Variants in RRAS2 observed in about 807,000 individuals in gnomAD.
RRAS2 encodes the protein RAS related 2, also known as ras-related protein R-Ras2.
Under a neutral mutation model 27.6 loss-of-function variants are expected in RRAS2, and 7 were observed. That is an observed-to-expected ratio of 0.25 (90% CI 0.14 to 0.48). The LOEUF (loss-of-function observed/expected upper bound fraction) is 0.48, where lower values mean the gene tolerates loss of function less well. Ranked by LOEUF, RRAS2 falls within the 20% of genes least tolerant of loss-of-function variation. The pLI is 0.99. For missense variants in RRAS2, 178 were observed against 256.2 expected (o/e 0.69, Z 2.08); for synonymous variants, 86 against 90.9 (o/e 0.95, Z 0.31).
At chr11:14,287,362 A>AATAT (rs528910333) in intron 4 of RRAS2, among the ~76,000 whole-genome samples, 30 of 151,828 alleles carry the variant, frequency 2.0e-4, no homozygotes, top group Admixed American at 1.2e-3. Flanking sequence ...CTTAAGTTAA[A>AATAT]ATATATATAT....
At chr11:14,356,299 G>A (rs1161548097) in intron 1 of RRAS2, among the ~76,000 whole-genome samples, 1 of 152,040 alleles carries the variant, frequency 6.6e-6, no homozygotes, top group East Asian at 1.9e-4. Context: ...ACTAGCATAT[G>A]ACTCCCACAT....
chr11:14,345,916 T>C (rs532536238), intron 1 of RRAS2, among the ~76,000 whole-genome samples: 2 of 152,270 alleles, frequency 1.3e-5, no homozygotes, highest in South Asian at 2.1e-4. Context: ...AAACCAAAAA[T>C]AGCTATGAGC....
At chr11:14,317,882 G>A (rs562759012) in intron 1 of RRAS2, among the ~76,000 whole-genome samples, 2 of 152,162 alleles carry the variant, frequency 1.3e-5, no homozygotes, top group Non-Finnish European at 2.9e-5. Flanking sequence ...GGTGAGCTAC[G>A]ATTGCACCAC....
At chr11:14,354,835 C>A (rs782748688) in intron 1 of RRAS2, among the ~76,000 whole-genome samples, 4 of 151,992 alleles carry the variant, frequency 2.6e-5, no homozygotes, top group Non-Finnish European at 5.9e-5. Context: ...CACCAACACG[C>A]CCGGCTAATT....
At position 14,281,716 on chromosome 11, in the gene RRAS2, G is replaced by A; in HGVS notation, c.413C>T (p.Thr138Ile). ...TGCTAACTGTTGTCCTTCTTCCTGT[G>A]TTACCTGAAATTCCAACAGTTATGT... ...KADLDHQRQVTQEEGQQLARQ... is the reference protein window; with the variant it reads ...KADLDHQRQVIQEEGQQLARQ... Residue 138 changes from threonine to isoleucine, a missense_variant, in exon 5 of 6, where the codon ACA (threonine) becomes ATA (isoleucine). Thr to Ile is a moderately conservative substitution (Grantham distance 89). Transcript: ENST00000256196. The A allele has an allele frequency of 1.3e-6, 2 of 1,597,210 alleles. No homozygotes were observed. The highest frequency in any genetic ancestry group is 2.3e-5 in the East Asian group (1 of 44,092).
chr11:14,348,217 T>C (rs1405476476), intron 1 of RRAS2, among the ~76,000 whole-genome samples: 1 of 152,216 alleles, frequency 6.6e-6, no homozygotes, highest in Non-Finnish European at 1.5e-5. Flanking sequence ...CTGCTCATTA[T>C]TATTATGTAG....
intron 1 of RRAS2, among the ~76,000 whole-genome samples, chr11:14,351,910 A>AG (rs1303699984): frequency 3.3e-5 from 5 of 151,878 alleles, no homozygotes; most frequent in East Asian, 1.9e-4. Context: ...AAAAAAAAAA[A>AG]AAGAAGACAG....
At chr11:14,362,610 A>G (rs1445508497), upstream of RRAS2, among the ~76,000 whole-genome samples, 4 of 152,228 alleles carry the variant, frequency 2.6e-5, no homozygotes, top group East Asian at 7.7e-4. Context: ...GCTGACAGAT[A>G]ATAAGTACAT....
chr11:14,342,226 T>C (rs1279468586), intron 1 of RRAS2: 1 of 158,938 alleles, frequency 6.3e-6, no homozygotes, highest in Non-Finnish European at 1.4e-5. Flanking sequence ...CTAGTAAGTG[T>C]TGGCACTTTT....
chr11:14,317,055 A>G (rs1195799656), intron 1 of RRAS2, among the ~76,000 whole-genome samples: 1 of 152,224 alleles, frequency 6.6e-6, no homozygotes, highest in Admixed American at 6.5e-5. Flanking sequence ...TGAAGGAGAT[A>G]CTATAGTTTC....
intron 1 of RRAS2, among the ~76,000 whole-genome samples, chr11:14,307,344 G>C (rs1434615968): frequency 1.3e-5 from 2 of 152,100 alleles, no homozygotes. Context: ...AAAATGTACG[G>C]GGGGAAATGT....
intron 1 of RRAS2, among the ~76,000 whole-genome samples, chr11:14,305,339 A>T (rs1050199448): frequency 3.3e-5 from 5 of 152,264 alleles, no homozygotes; most frequent in Admixed American, 1.3e-4. Flanking sequence ...GCCAAACCAC[A>T]AAAGCTACTA....
At chr11:14,314,584 C>T (rs950062305) in intron 1 of RRAS2, among the ~76,000 whole-genome samples, 4 of 152,144 alleles carry the variant, frequency 2.6e-5, no homozygotes, top group Non-Finnish European at 5.9e-5. Flanking sequence ...TAAAGAGGAA[C>T]ATCTAACAGC....
At chr11:14,302,862 AG>A (rs1847749387) in intron 1 of RRAS2, among the ~76,000 whole-genome samples, 1 of 152,230 alleles carries the variant, frequency 6.6e-6, no homozygotes. Context: ...ACCCGGACAC[AG>A]TTCTATCAGT....
chr11:14,295,737 G>A, intron 2 of RRAS2, 31 bp downstream of exon 2: 1 of 1,525,828 alleles, frequency 6.6e-7, no homozygotes, highest in Non-Finnish European at 8.9e-7. Flanking sequence ...AATATGATAT[G>A]CAAATTATCA....
chr11:14,294,638 A>ATG, intron 3 of RRAS2, 59 bp from the exon 4 acceptor site: 1 of 1,475,480 alleles, frequency 6.8e-7, no homozygotes, highest in Non-Finnish European at 9.3e-7. Flanking sequence ...AGAATTCAGC[A>ATG]AGTCTCATGC....
chr11:14,310,256 G>C (rs1458188884), intron 1 of RRAS2, among the ~76,000 whole-genome samples: 1 of 152,210 alleles, frequency 6.6e-6, no homozygotes, highest in African/African-American at 2.4e-5. Flanking sequence ...TACATGTTCT[G>C]TTAAGACACT....
At chr11:14,295,998 C>T in intron 1 of RRAS2, 143 bp from the exon 2 acceptor site, 1 of 554,878 alleles carries the variant, frequency 1.8e-6, no homozygotes, top group Non-Finnish European at 3.0e-6. Context: ...CACAGCAAGA[C>T]TCTTATCTCT....
chr11:14,302,267 G>A (rs1406693078), intron 1 of RRAS2, among the ~76,000 whole-genome samples: 1 of 152,104 alleles, frequency 6.6e-6, no homozygotes, highest in Non-Finnish European at 1.5e-5. Flanking sequence ...GTTTAAGACA[G>A]CATTTCCCTA....
Sources: allele counts gnomAD v4.1 joint callset (sites outside exome capture counted in the v4.1 genomes callset), GRCh38; gene constraint gnomAD v4.1.1; transcripts MANE v1.5; gene names NCBI Gene and HGNC (gene_info 2026-07-23, HGNC 2026-07-21).